The following LYRM4 variants were observed in gnomAD, a reference collection of about 807,000 sequenced individuals.
The protein encoded by LYRM4 is LYR motif containing 4.
A neutral mutation model predicts 11.7 loss-of-function variants in LYRM4; 9 were observed. That is an observed-to-expected ratio of 0.77 (90% CI 0.46 to 1.34). The LOEUF (loss-of-function observed/expected upper bound fraction) is 1.34. LYRM4 is among the 40% of genes most tolerant of loss of function. LYRM4 has a pLI of 0.00. For synonymous variants in LYRM4, 42 were observed against 40.4 expected (o/e 1.04, Z -0.15); for missense variants, 133 against 112.5 (o/e 1.18, Z -0.82).
At chr6:5,195,675 GC>G (rs1761012174) in intron 2 of LYRM4, among the ~76,000 whole-genome samples, 1 of 152,044 alleles carries the variant, frequency 6.6e-6, no homozygotes, top group South Asian at 2.1e-4. Context: ...ACAGTATGAA[GC>G]CCTTCTCACA....
At chr6:5,243,289 G>A (rs1052484395) in intron 1 of LYRM4, among the ~76,000 whole-genome samples, 1 of 152,180 alleles carries the variant, frequency 6.6e-6, no homozygotes, top group South Asian at 2.1e-4. Flanking sequence ...CACAGCGTGC[G>A]GGGTTCTAAC....
At chr6:5,036,797 G>A in the LYRM4 span, among the ~76,000 whole-genome samples, 6 of 152,160 alleles carry the variant, frequency 3.9e-5, no homozygotes, top group African/African-American at 1.4e-4. Context: ...ACAGTGAGAA[G>A]ACACAGTCCA....
Position 5,136,441 on chromosome 6 carries a change from G to T in LYRM4, c.208-26950C>A, listed in dbSNP as rs114695475. On this transcript the variant is annotated intron_variant, in intron 2 of 2. Transcript: ENST00000330636. ...TGGGGTTTGTCCCAAGACAAACCTG[G>T]TTTAAACACCTGCTCTGCCAATCAC... 5.8e-4 allele frequency: 566 copies of T among 978,130 alleles called. 2 individuals are homozygous for T. In the African/African-American group the frequency reaches 9.6e-3, roughly 17 times the overall value. The allele number at this position is 978,130 out of a possible 1,614,324, so 60.6% of individuals were successfully genotyped here.
At chr6:5,144,010 G>A in intron 2 of LYRM4, 2 of 1,106,122 alleles carry the variant, frequency 1.8e-6, no homozygotes, top group South Asian at 1.7e-5. Flanking sequence ...TAATTCCCAA[G>A]GCTCAAAGAA....
In LYRM4 at chr6:5,164,963, G is replaced by C. The variant is rs536925999; in HGVS notation, c.207+51655C>G. ...AGCCTGGGCGACAGAGTGAGACTGTGTCTCAAAAAAAAAAAAAAAAAAAAT... is the reference window on the plus strand; with the variant it reads ...AGCCTGGGCGACAGAGTGAGACTGTCTCTCAAAAAAAAAAAAAAAAAAAAT... On this transcript the variant is annotated intron_variant, in intron 2 of 2. Transcript: ENST00000330636. Among the ~76,000 whole-genome samples the C allele has an allele frequency of 5.7e-4, 38 of 66,576 alleles. 1 individual carries two copies. The South Asian group carries it at 0.024, about 41-fold the overall frequency. 43.7% of individuals were successfully genotyped at this position (66,576 alleles called of 152,430 possible).
At chr6:5,242,652 G>A (rs572202333) in intron 1 of LYRM4, among the ~76,000 whole-genome samples, 2 of 151,838 alleles carry the variant, frequency 1.3e-5, no homozygotes, top group Admixed American at 6.5e-5. Flanking sequence ...CATGGAGGCA[G>A]AGGCTGCAAT....
chr6:5,061,610 T>C, the LYRM4 span, among the ~76,000 whole-genome samples: 1 of 152,210 alleles, frequency 6.6e-6, no homozygotes, highest in African/African-American at 2.4e-5. Context: ...GGTTGGGATC[T>C]GAATCTAACT....
intron 2 of LYRM4, among the ~76,000 whole-genome samples, chr6:5,120,994 G>A (rs142005056): frequency 6.6e-5 from 10 of 152,292 alleles, no homozygotes; most frequent in South Asian, 2.1e-4. Flanking sequence ...GTGGGGGCAC[G>A]CATGTCATTG....
At chr6:5,052,744 G>C in the LYRM4 span, among the ~76,000 whole-genome samples, 1 of 152,326 alleles carries the variant, frequency 6.6e-6, no homozygotes, top group Non-Finnish European at 1.5e-5. Context: ...TTTATGTTAT[G>C]CATATTTACA....
chr6:5,054,359 C>T, the LYRM4 span: 1 of 154,158 alleles, frequency 6.5e-6, no homozygotes, highest in South Asian at 2.1e-4. Context: ...CTCAAGATCC[C>T]AGAGTCAGGA....
intron 1 of LYRM4, among the ~76,000 whole-genome samples, chr6:5,260,382 G>A (rs1409228627): frequency 1.3e-5 from 2 of 152,196 alleles, no homozygotes; most frequent in Non-Finnish European, 2.9e-5. Flanking sequence ...CATGCTCCTA[G>A]AATAACTACC....
At chr6:5,040,352 G>GATAGATACATACATAC in the LYRM4 span, among the ~76,000 whole-genome samples, 17 of 130,194 alleles carry the variant, frequency 1.3e-4, no homozygotes, top group East Asian at 4.2e-4. Context: ...TAGATAGATA[G>GATAGATACATACATAC]ATACATACAT....
chr6:5,070,600 G>T, the LYRM4 span, among the ~76,000 whole-genome samples: 18 of 151,946 alleles, frequency 1.2e-4, no homozygotes, highest in South Asian at 2.1e-4. Flanking sequence ...AACAGGCTGG[G>T]TGCGGTGGTT....
At chr6:5,204,911 G>A (rs1035935395) in intron 2 of LYRM4, among the ~76,000 whole-genome samples, 1 of 152,212 alleles carries the variant, frequency 6.6e-6, no homozygotes, top group Non-Finnish European at 1.5e-5. Flanking sequence ...CACAGGGTAG[G>A]TGAAGACTTC....
chr6:5,122,033 T>G (rs1274312289), intron 2 of LYRM4, among the ~76,000 whole-genome samples: 1 of 152,146 alleles, frequency 6.6e-6, no homozygotes, highest in Non-Finnish European at 1.5e-5. Context: ...TTTTTCAAAG[T>G]CGACTTGAAC....
chr6:5,127,218 G>A (rs1561814359), intron 2 of LYRM4, among the ~76,000 whole-genome samples: 1 of 152,092 alleles, frequency 6.6e-6, no homozygotes, highest in Non-Finnish European at 1.5e-5. Context: ...CCAAAGTGCT[G>A]GAATTACAGG....
intron 2 of LYRM4, among the ~76,000 whole-genome samples, chr6:5,193,682 G>C (rs1581477090): frequency 6.6e-6 from 1 of 152,180 alleles, no homozygotes; most frequent in Admixed American, 6.5e-5. Context: ...CATGTTGATG[G>C]CTGAGACAGA....
intron 2 of LYRM4, among the ~76,000 whole-genome samples, chr6:5,208,266 C>T (rs868211012): frequency 2.0e-5 from 3 of 152,196 alleles, no homozygotes; most frequent in African/African-American, 7.2e-5. Context: ...AAATAGGCAA[C>T]TTGCCTGAGA....
chr6:5,196,290 C>T (rs946968426), intron 2 of LYRM4, among the ~76,000 whole-genome samples: 1 of 152,162 alleles, frequency 6.6e-6, no homozygotes, highest in Non-Finnish European at 1.5e-5. Context: ...CCTTCACAAC[C>T]ATTGCTTTTC....
Sources: gnomAD v4.1 joint callset for allele counts (sites outside exome capture counted in the v4.1 genomes callset) on GRCh38, gnomAD v4.1.1 for gene constraint, MANE v1.5 for transcripts, NCBI Gene and HGNC (gene_info 2026-07-23, HGNC 2026-07-21) for gene names.